Variants in USP42 observed in about 807,000 individuals in gnomAD.
USP42 encodes the protein ubiquitin carboxyl-terminal hydrolase 42.
A neutral mutation model predicts 113.0 loss-of-function variants in USP42; 23 were observed. The ratio of observed to expected loss-of-function variants is 0.20; its 90% confidence interval spans 0.15 to 0.29. The LOEUF (loss-of-function observed/expected upper bound fraction) is 0.29. Ranked by LOEUF, USP42 falls within the 10% of genes least tolerant of loss-of-function variation. The pLI is 1.00. For missense variants in USP42, 2,174 were observed against 1,779.8 expected (o/e 1.22, Z -3.99); for synonymous variants, 933 against 699.0 (o/e 1.33, Z -5.28).
intron 9 of USP42, 98 bp downstream of exon 9, chr7:6,144,294 C>G (rs1583657588): frequency 9.0e-6 from 7 of 773,828 alleles, no homozygotes; most frequent in Non-Finnish European, 1.4e-5. Flanking sequence ...TTTCTCATGA[C>G]AAAATTGCTA....
chr7:6,156,924 G>A lies in USP42; in HGVS notation c.3812G>A (p.Arg1271Gln), dbSNP rs761795912. Residue 1271 changes from arginine to glutamine, a missense_variant, in exon 16 of 18, where the codon CGG becomes CAG. By Grantham distance (43) the Arg-to-Gln change is conservative (BLOSUM62 1). Transcript: ENST00000306177. Reference protein sequence around the residue: ...VTSLETVAQFRRAQGGFPLSG... With the variant: ...VTSLETVAQFQRAQGGFPLSG... ...AGCTTGGAGACTGTCGCCCAGTTCC[G>A]GAGAGCCCAGGGTGGCTTTCCTCTC... 2.5e-5 allele frequency: 41 copies of A among 1,613,776 alleles called. No individual in the cohort carries two copies. Among genetic ancestry groups the A allele is most frequent in the South Asian group, 2.4e-4 (22 of 91,068 alleles).
In USP42 at chr7:6,154,475, A is replaced by G. The variant is rs1782291099; in HGVS notation, c.2921A>G (p.Glu974Gly). ...EPARESRSKT[E>G]GHRHRRRRTC... ...GCCAGAGAGAGCAGGAGCAAGACTG[A>G]GGGCCACCGTCACCGGCGGCGCCGC... The change falls in exon 15 of 18, where the codon GAG (glutamate) becomes GGG (glycine). Residue 974 changes from glutamate (E) to glycine (G), a missense_variant. Physicochemically the swap from Glu to Gly is moderately conservative, Grantham distance 98. Coordinates refer to ENST00000306177, the MANE Select transcript of USP42 (RefSeq NM_032172.3). 6.4e-7 allele frequency: 1 copy of G among 1,555,746 alleles called. No individual in the cohort carries two copies. The highest frequency in any genetic ancestry group is 8.7e-7 in the Non-Finnish European group (1 of 1,150,928).
At chr7:6,106,153 T>A (rs971988560) in intron 1 of USP42, among the ~76,000 whole-genome samples, 1 of 152,260 alleles carries the variant, frequency 6.6e-6, no homozygotes, top group African/African-American at 2.4e-5. Flanking sequence ...TTCTCTTCTG[T>A]ATCTTTGAAT....
chr7:6,140,786 T>G (rs940889619), intron 6 of USP42, 128 bp from the exon 7 acceptor site: 10 of 603,640 alleles, frequency 1.7e-5, no homozygotes, highest in African/African-American at 1.2e-4. Flanking sequence ...AAACTTTTTT[T>G]GTTCAATTGA....
At chr7:6,123,716 T>G (rs1015165624) in intron 3 of USP42, among the ~76,000 whole-genome samples, 2 of 151,346 alleles carry the variant, frequency 1.3e-5, no homozygotes, top group Non-Finnish European at 2.9e-5. Context: ...GGCGTGGTGG[T>G]GTTCTTCTAT....
In USP42 at chr7:6,147,885, TGATAAA is replaced by T. The variant is rs1562844640; in HGVS notation, c.1381_1386del (p.Ile461_Lys462del). 6.2e-7 allele frequency: 1 copy of T among 1,608,450 alleles called. No homozygotes were observed. Among genetic ancestry groups the T allele is most frequent in the Non-Finnish European group, 8.5e-7 (1 of 1,176,646 alleles). On this transcript the variant is annotated inframe_deletion and splice_region_variant, in exon 12 of 18. Transcript: ENST00000306177. ...ATCGGACCACAGCTTCCCTCTCACA[TGATAAA>T]GGTAACAGTCCTTAGGGAGAAGAAC...
At chr7:6,137,405 C>A (rs1333717644) in intron 4 of USP42, among the ~76,000 whole-genome samples, 1 of 152,254 alleles carries the variant, frequency 6.6e-6, no homozygotes, top group Admixed American at 6.5e-5. Flanking sequence ...GTCCCCAAGC[C>A]TGGAGTGCAG....
rs781282283 is a variant in USP42, at chr7:6,155,192, C to T, written c.3638C>T (p.Ser1213Phe). Residue 1213 changes from serine (S) to phenylalanine (F), a missense_variant, in exon 15 of 18, where the codon TCC becomes TTC. Physicochemically the swap from Ser to Phe is radical, Grantham distance 155. Coordinates refer to ENST00000306177, the MANE Select transcript of USP42 (RefSeq NM_032172.3). ...KSKDKHRDRD[S>F]RHQQDSDLSA... ...AAAGACAAACACCGAGACCGCGACT[C>T]CAGGTGAGCCTGGGGCCTTGTGCTC... 2.6e-6 allele frequency: 4 copies of T among 1,528,482 alleles called. No homozygotes were observed. The South Asian group carries it at 4.8e-5, about 18-fold the overall frequency. 94.7% of individuals were successfully genotyped at this position (1,528,482 alleles called of 1,614,324 possible).
intron 3 of USP42, among the ~76,000 whole-genome samples, chr7:6,120,409 A>G (rs962588506): frequency 1.3e-5 from 2 of 150,410 alleles, no homozygotes; most frequent in Non-Finnish European, 3.0e-5. Flanking sequence ...CTTCTAGCTA[A>G]TTTTTGTATT....
chr7:6,143,675 G>A (rs1781550309), intron 8 of USP42, among the ~76,000 whole-genome samples: 1 of 151,730 alleles, frequency 6.6e-6, no homozygotes, highest in African/African-American at 2.4e-5. Flanking sequence ...TATTCCTTTT[G>A]TTTCTGGTTA....
At chr7:6,090,376 A>T in the USP42 span, among the ~76,000 whole-genome samples, 5 of 137,380 alleles carry the variant, frequency 3.6e-5, no homozygotes, top group African/African-American at 1.5e-4. Context: ...ATATTTCTTT[A>T]TATATATTAT....
At chr7:6,140,289 A>G (rs1362682095) in intron 6 of USP42, 94 bp downstream of exon 6, 2 of 1,182,834 alleles carry the variant, frequency 1.7e-6, no homozygotes, top group South Asian at 1.4e-5. Flanking sequence ...GGAAGGAAGG[A>G]AAAGTGCTTC....
At chr7:6,108,329 G>C (rs1458560980) in intron 1 of USP42, among the ~76,000 whole-genome samples, 1 of 152,078 alleles carries the variant, frequency 6.6e-6, no homozygotes, top group Non-Finnish European at 1.5e-5. Context: ...TTTGAGGCCA[G>C]GAGTTCAAGA....
At chr7:6,117,969 G>A (rs1289790664) in intron 3 of USP42, among the ~76,000 whole-genome samples, 5 of 152,144 alleles carry the variant, frequency 3.3e-5, no homozygotes, top group Middle Eastern at 3.4e-3. Flanking sequence ...ATATATCCTC[G>A]ATATAAGTCT....
intron 9 of USP42, among the ~76,000 whole-genome samples, chr7:6,144,682 G>T (rs1046665484): frequency 2.6e-5 from 4 of 152,082 alleles, no homozygotes; most frequent in Admixed American, 6.6e-5. Context: ...CCACTCTGGC[G>T]AACGTGGCAA....
At chr7:6,089,005 CA>C in the USP42 span, 3 of 149,644 alleles carry the variant, frequency 2.0e-5, no homozygotes, top group African/African-American at 7.6e-5. Flanking sequence ...CCAGAGCCTG[CA>C]CTGGGGTTTC....
rs1298664430 is a variant in USP42 at position 6,156,769 on chromosome 7, A to G, written c.3657A>G (p.Ser1219=). 6.4e-7 allele frequency: 1 copy of G among 1,556,766 alleles called. No homozygotes were observed. The highest frequency in any genetic ancestry group is 8.6e-7 in the Non-Finnish European group (1 of 1,157,160). The change falls in exon 16 of 18, where the codon TCA becomes TCG. Residue 1219 remains serine, a synonymous_variant. Coordinates refer to ENST00000306177, the MANE Select transcript of USP42 (RefSeq NM_032172.3). The part of the protein sequence containing the change: ...RDRDSRHQQD[S]DLSAACSDAD... ...CCTTCTGCAGGCATCAGCAGGACTCAGACCTCTCAGCAGCGTGCTCTGACG... is the reference window on the plus strand; with the variant it reads ...CCTTCTGCAGGCATCAGCAGGACTCGGACCTCTCAGCAGCGTGCTCTGACG...
chr7:6,091,994 T>C, the USP42 span, among the ~76,000 whole-genome samples: 10 of 66,164 alleles, frequency 1.5e-4, no homozygotes, highest in South Asian at 1.7e-3. Flanking sequence ...CTTCTTCTTC[T>C]TCTTCTTCTT....
Position 6,157,452 on chromosome 7 carries a change from A to C in USP42, c.3943+397A>C. 1 of 906,742 alleles carries C rather than the reference A, an allele frequency of 1.1e-6. No individual in the cohort carries two copies. The highest frequency in any genetic ancestry group is 1.3e-6 in the Non-Finnish European group (1 of 758,352). 56.2% of individuals were successfully genotyped at this position (906,742 alleles called of 1,614,324 possible). The stretch of plus-strand genomic sequence containing the variant: ...TGCTCTATTGCCCAGGCTGGAGTGC[A>C]GTGGCGGCGATCTCAGCTCACTGCA... On this transcript the variant is annotated intron_variant, in intron 16 of 17. Coordinates refer to ENST00000306177, the MANE Select transcript of USP42 (RefSeq NM_032172.3). This position sits in a 1 kb window ranked among gnomAD's most constrained non-coding sequence, Gnocchi z 4.1.
Sources: gnomAD v4.1 joint callset for allele counts (sites outside exome capture counted in the v4.1 genomes callset) on GRCh38, gnomAD v4.1.1 for gene constraint, Gnocchi (gnomAD v3.1) non-coding constraint, MANE v1.5 for transcripts, NCBI Gene and HGNC (gene_info 2026-07-23, HGNC 2026-07-21) for gene names.